MGAT5: variants seen among roughly 807,000 people sequenced by gnomAD.
The protein encoded by MGAT5 is alpha-1,6-mannosylglycoprotein 6-beta-N-acetylglucosaminyltransferase A.
MGAT5 carries 30 observed loss-of-function variants against 94.3 expected under a neutral mutation model. That is an observed-to-expected ratio of 0.32 (90% CI 0.24 to 0.43). The LOEUF is 0.43. Ranked by LOEUF, MGAT5 falls within the 20% of genes least tolerant of loss-of-function variation. MGAT5 has a pLI of 1.00. For synonymous variants in MGAT5, 310 were observed against 322.9 expected, an observed-to-expected ratio of 0.96 and a Z score of 0.43; for missense variants, 691 against 905.5, an observed-to-expected ratio of 0.76 and a Z score of 3.04.
intron 1 of MGAT5, among the ~76,000 whole-genome samples, chr2:134,159,059 C>T (rs932601979): frequency 6.6e-5 from 10 of 152,120 alleles, no homozygotes; most frequent in African/African-American, 2.2e-4. Context: ...GTGTATATTA[C>T]GTTACATAAA....
intron 2 of MGAT5, among the ~76,000 whole-genome samples, chr2:134,282,603 CAGGCACTGTCT>C (rs1684759730): frequency 6.6e-6 from 1 of 152,166 alleles, no homozygotes; most frequent in Non-Finnish European, 1.5e-5. Context: ...TGTTCTGTGC[CAGGCACTGTCT>C]AGGCACTGGA....
At chr2:134,312,011 A>C (rs1686703596) in intron 2 of MGAT5, among the ~76,000 whole-genome samples, 2 of 152,138 alleles carry the variant, frequency 1.3e-5, no homozygotes. Context: ...GCACTTTGGG[A>C]GGCTGTGGCA....
intron 10 of MGAT5, among the ~76,000 whole-genome samples, chr2:134,394,401 C>G (rs1340785801): frequency 6.6e-6 from 1 of 152,150 alleles, no homozygotes; most frequent in East Asian, 1.9e-4. Flanking sequence ...CAATTGACAT[C>G]TGCTAATACT....
At position 134,321,941 on chromosome 2, in the gene MGAT5, G is replaced by A. The variant is rs560690798; in HGVS notation, c.573+3202G>A. ...CTCAGGGCTTTTCTATGTTATCATAGCATTGTAATAAGTACCCTGTGAGAG... is the reference window on the plus strand; with the variant it reads ...CTCAGGGCTTTTCTATGTTATCATAACATTGTAATAAGTACCCTGTGAGAG... On this transcript the variant is annotated intron_variant, in intron 4 of 15. Coordinates refer to ENST00000281923, the MANE Select transcript of MGAT5 (RefSeq NM_002410.5). Among the ~76,000 whole-genome samples the A allele has an allele frequency of 2.2e-4, 34 of 152,226 alleles. No individual in the cohort carries two copies. The East Asian group carries it at 5.4e-3, about 24-fold the overall frequency.
intron 11 of MGAT5, among the ~76,000 whole-genome samples, chr2:134,411,144 C>T (rs1398243486): frequency 6.6e-6 from 1 of 152,212 alleles, no homozygotes; most frequent in Non-Finnish European, 1.5e-5. Flanking sequence ...ACCCCTGAGC[C>T]ACATGTCCAG....
rs1482544777 is a variant in MGAT5, at chr2:134,321,078, A to T, written c.573+2339A>T. 2.6e-5 allele frequency among the ~76,000 whole-genome samples: 4 copies of T among 152,142 alleles called. No individual in the cohort carries two copies. The South Asian group carries it at 8.3e-4, about 32-fold the overall frequency. On this transcript the variant is annotated intron_variant, in intron 4 of 15. Coordinates refer to ENST00000281923, the MANE Select transcript of MGAT5 (RefSeq NM_002410.5). ...GGCAAATTGACTTGATAGCATTTAT[A>T]TGAGTTTCTGGCTTCCGGCTTGGGT...
At position 134,254,455 on chromosome 2, in the gene MGAT5, C is replaced by G. The variant is rs777389323; in HGVS notation, c.52C>G (p.Leu18Val). 1 of 1,614,202 alleles carries G rather than the reference C, an allele frequency of 6.2e-7. No homozygotes were observed. The highest frequency in any genetic ancestry group is 8.5e-7 in the Non-Finnish European group (1 of 1,180,028). Residue 18 changes from leucine to valine, a missense_variant, in exon 1 of 16, where the codon CTG becomes GTG. Transcript: ENST00000281923. ...GTCCTCTCAGAAGCTGGGCTTTTTC[C>G]TGGTGACTTTTGGCTTCATTTGGGG... ...KLSSQKLGFF[L>V]VTFGFIWGMM...
intron 1 of MGAT5, among the ~76,000 whole-genome samples, chr2:134,160,700 G>A (rs1242361018): frequency 2.6e-5 from 4 of 152,210 alleles, no homozygotes; most frequent in African/African-American, 4.8e-5. Context: ...ACAGGTGTAG[G>A]TGCTGTGTAG....
intron 11 of MGAT5, among the ~76,000 whole-genome samples, chr2:134,411,751 T>G (rs1208493723): frequency 4.6e-5 from 7 of 152,146 alleles, no homozygotes; most frequent in African/African-American, 9.7e-5. Flanking sequence ...GGGATTGCTG[T>G]GAAAAGACCG....
chr2:134,202,503 A>G (rs1196792097), intron 1 of MGAT5, among the ~76,000 whole-genome samples: 1 of 152,244 alleles, frequency 6.6e-6, no homozygotes, highest in Non-Finnish European at 1.5e-5. Flanking sequence ...TGTTGTTCAC[A>G]AATTGCGCAG....
At chr2:134,361,721 A>C (rs983145624) in intron 9 of MGAT5, among the ~76,000 whole-genome samples, 1 of 152,192 alleles carries the variant, frequency 6.6e-6, no homozygotes, top group Non-Finnish European at 1.5e-5. Context: ...TGTTCAATAT[A>C]GACCCATAAT....
intron 14 of MGAT5, among the ~76,000 whole-genome samples, chr2:134,435,825 G>A (rs74395290): frequency 0.13 from 19,058 of 152,218 alleles, 1,666 homozygotes; most frequent in East Asian, 0.27. Flanking sequence ...AAGGAGATAA[G>A]GCAAGTTGGC....
In MGAT5 at chr2:134,453,829, T is replaced by C. The variant is rs977106557; in HGVS notation, c.*4982T>C. 6.6e-6 allele frequency: 1 copy of C among 152,180 alleles called. No individual in the cohort carries two copies. The allele number at this position is 152,180 out of a possible 1,614,324, so 9.4% of individuals were successfully genotyped here. On this transcript the variant is annotated 3_prime_UTR_variant, in exon 16 of 16. Transcript: ENST00000281923. ...AATGTTTTCCCAAATCACCTAAATA[T>C]CGGTTTGCTTTTTGTTTTGGGGGAG...
At chr2:134,397,125 G>A (rs1682758204) in intron 10 of MGAT5, among the ~76,000 whole-genome samples, 1 of 152,172 alleles carries the variant, frequency 6.6e-6, no homozygotes, top group African/African-American at 2.4e-5. Context: ...AGATTGTGAA[G>A]GGCCTTGTGT....
At chr2:134,437,592 G>A (rs1334215068) in intron 14 of MGAT5, among the ~76,000 whole-genome samples, 1 of 152,170 alleles carries the variant, frequency 6.6e-6, no homozygotes, top group Non-Finnish European at 1.5e-5. Flanking sequence ...TAAATGATGT[G>A]ATCTGGTCTA....
chr2:134,187,822 T>C (rs1188470590), intron 1 of MGAT5, among the ~76,000 whole-genome samples: 8 of 152,208 alleles, frequency 5.3e-5, no homozygotes, highest in African/African-American at 1.9e-4. Flanking sequence ...GAGGTTTTAA[T>C]TGCTACACTA....
intron 8 of MGAT5, among the ~76,000 whole-genome samples, chr2:134,347,556 A>G (rs1015930642): frequency 1.3e-5 from 2 of 152,236 alleles, no homozygotes; most frequent in African/African-American, 4.8e-5. Context: ...TGAGTTCCAC[A>G]TCAACGGATC....
intron 1 of MGAT5, among the ~76,000 whole-genome samples, chr2:134,167,025 G>A (rs2105092967): frequency 6.6e-6 from 1 of 152,322 alleles, no homozygotes; most frequent in Admixed American, 6.5e-5. Flanking sequence ...CATATGGTAA[G>A]ATGGGTCTCA....
intron 1 of MGAT5, among the ~76,000 whole-genome samples, chr2:134,182,992 G>A (rs938082328): frequency 4.6e-5 from 7 of 151,822 alleles, no homozygotes; most frequent in Admixed American, 1.3e-4. Context: ...GGGTTTCACC[G>A]TGTTAGCCAG....
Sources: allele counts gnomAD v4.1 joint callset (sites outside exome capture counted in the v4.1 genomes callset), GRCh38; gene constraint gnomAD v4.1.1; transcripts MANE v1.5; gene names NCBI Gene and HGNC (gene_info 2026-07-23, HGNC 2026-07-21).